Variants in ZNF804A observed in about 807,000 individuals in gnomAD.
ZNF804A encodes zinc finger protein 804A.
Under a neutral mutation model 16.5 loss-of-function variants are expected in ZNF804A, and 2 were observed. That is an observed-to-expected ratio of 0.12 (90% confidence interval 0.05 to 0.38). The LOEUF is 0.38. Ranked by LOEUF, ZNF804A falls within the 10% of genes least tolerant of loss-of-function variation. ZNF804A has a pLI of 0.99. For missense variants in ZNF804A, 1,473 were observed against 1,390.7 expected (o/e 1.06, Z -0.94); for synonymous variants, 534 against 489.6 (o/e 1.09, Z -1.20).
chr2:184,822,396 CTG>C, intron 1 of ZNF804A, among the ~76,000 whole-genome samples: 1 of 152,158 alleles, frequency 6.6e-6, no homozygotes, highest in South Asian at 2.1e-4. Context: ...ACGACACACA[CTG>C]GGGCCTGGCA....
chr2:184,871,677 C>A (rs1203290624), intron 2 of ZNF804A, among the ~76,000 whole-genome samples: 2 of 151,704 alleles, frequency 1.3e-5, no homozygotes, highest in East Asian at 1.9e-4. Context: ...TTTAGAAGGA[C>A]AGTGATGAGT....
intron 1 of ZNF804A, among the ~76,000 whole-genome samples, chr2:184,653,902 T>G (rs1480724804): frequency 1.3e-5 from 2 of 152,206 alleles, no homozygotes; most frequent in Non-Finnish European, 2.9e-5. Flanking sequence ...AAATTGCGTC[T>G]CCCTGGTGCT....
Position 184,798,260 on chromosome 2 carries a change from C to CT in ZNF804A, c.112-68101dup, listed in dbSNP as rs574439355. ...ATGAATCTCCCAGGTGTTCTTTGTG[C>CT]TTTTTTTTATTTTGATATCTAGGTC... On this transcript the variant is annotated intron_variant, in intron 1 of 3. Transcript: ENST00000302277. Among the ~76,000 whole-genome samples the CT allele has an allele frequency of 5.9e-5, 9 of 151,382 alleles. No homozygotes were observed. In the South Asian group the frequency reaches 6.3e-4, roughly 11 times the overall value.
chr2:184,781,616 C>CA (rs1347500728), intron 1 of ZNF804A, among the ~76,000 whole-genome samples: 1 of 151,690 alleles, frequency 6.6e-6, no homozygotes, highest in Non-Finnish European at 1.5e-5. Context: ...TGCTTGGAGT[C>CA]AAAAGTGCTG....
chr2:184,936,834 T>A lies in ZNF804A; in HGVS notation c.1438T>A (p.Leu480Ile). 1.2e-6 allele frequency: 2 copies of A among 1,612,678 alleles called. No individual in the cohort carries two copies. Among genetic ancestry groups the A allele is most frequent in the Non-Finnish European group, 1.7e-6 (2 of 1,179,562 alleles). ...TAATCTAGATAAAAATAAGCCAGAC[T>A]TAAAAGATCTTTGTTCTCAGCAGAA... is the stretch of plus-strand genomic sequence containing the variant. ...NNNLDKNKPD[L>I]KDLCSQQKQE... The change falls in exon 4 of 4, where the codon TTA becomes ATA. Residue 480 changes from leucine to isoleucine, a missense_variant. Transcript: ENST00000302277.
intron 1 of ZNF804A, among the ~76,000 whole-genome samples, chr2:184,739,497 G>A (rs1024421468): frequency 6.6e-6 from 1 of 152,124 alleles, no homozygotes; most frequent in African/African-American, 2.4e-5. Flanking sequence ...GGGTTCAAGC[G>A]ATTGTTGTGC....
chr2:184,773,889 T>C (rs1227700158), intron 1 of ZNF804A, among the ~76,000 whole-genome samples: 2 of 151,942 alleles, frequency 1.3e-5, no homozygotes, highest in Admixed American at 1.3e-4. Flanking sequence ...AAACACCATA[T>C]TGAAGTTTAG....
chr2:184,800,449 T>A (rs1270581135), intron 1 of ZNF804A, among the ~76,000 whole-genome samples: 2 of 151,742 alleles, frequency 1.3e-5, no homozygotes, highest in Non-Finnish European at 2.9e-5. Context: ...CTCAAAGAAC[T>A]GCTTTAGTCA....
chr2:184,937,568 T>C lies in ZNF804A; in HGVS notation c.2172T>C (p.Cys724=). 1.2e-6 allele frequency: 2 copies of C among 1,612,134 alleles called. No homozygotes were observed. Among genetic ancestry groups the C allele is most frequent in the South Asian group, 1.1e-5 (1 of 90,884 alleles). The change falls in exon 4 of 4, where the codon TGT becomes TGC. Residue 724 remains cysteine, a synonymous_variant. Transcript: ENST00000302277. ...TAACATATTCTAGAACTTACTGTTGTTGGAAAACCAAAATGTCAAGCTGTA... is the reference window on the plus strand; with the variant it reads ...TAACATATTCTAGAACTTACTGTTGCTGGAAAACCAAAATGTCAAGCTGTA... ...HNLTYSRTYC[C]WKTKMSSCSQ... is the part of the protein sequence containing the mutation.
intron 1 of ZNF804A, among the ~76,000 whole-genome samples, chr2:184,776,599 T>A (rs1207625125): frequency 6.6e-6 from 1 of 151,532 alleles, no homozygotes; most frequent in Admixed American, 6.6e-5. Flanking sequence ...TGAGACACCT[T>A]CCATTGTCAT....
At chr2:184,845,699 G>T (rs552337172) in intron 1 of ZNF804A, among the ~76,000 whole-genome samples, 1 of 152,102 alleles carries the variant, frequency 6.6e-6, no homozygotes, top group Non-Finnish European at 1.5e-5. Flanking sequence ...ACATGCCAAG[G>T]ACATGAGAGA....
intron 1 of ZNF804A, among the ~76,000 whole-genome samples, chr2:184,855,162 T>C (rs1238516221): frequency 1.3e-5 from 2 of 152,004 alleles, no homozygotes; most frequent in Non-Finnish European, 2.9e-5. Flanking sequence ...CTATAGAAAT[T>C]AAGGATGCCA....
rs1345255652 is a variant in ZNF804A, at chr2:184,936,372, C to A, written c.976C>A (p.Gln326Lys). The A allele has an allele frequency of 2.5e-6, 4 of 1,613,770 alleles. No homozygotes were observed. In the South Asian group the frequency reaches 3.3e-5, roughly 13 times the overall value. The change falls in exon 4 of 4, where the codon CAA becomes AAA. Residue 326 changes from glutamine to lysine, a missense_variant. Physicochemically the swap from Gln to Lys is moderately conservative, Grantham distance 53. Coordinates refer to ENST00000302277, the MANE Select transcript of ZNF804A (RefSeq NM_194250.2). The stretch of plus-strand genomic sequence containing the variant: ...GTTATCTTCTGATGCAGATAATTGT[C>A]AAAATTCAGTCCCATTAGCAGATCA... The part of the protein sequence containing the change: ...LQLSSDADNC[Q>K]NSVPLADQIP...
intron 1 of ZNF804A, among the ~76,000 whole-genome samples, chr2:184,828,861 T>C (rs1380823816): frequency 6.6e-6 from 1 of 151,894 alleles, no homozygotes; most frequent in Non-Finnish European, 1.5e-5. Context: ...GATAGGTCAC[T>C]AAAACTATTC....
intron 1 of ZNF804A, among the ~76,000 whole-genome samples, chr2:184,609,004 T>C (rs1691195296): frequency 6.6e-6 from 1 of 152,144 alleles, no homozygotes; most frequent in Non-Finnish European, 1.5e-5. Context: ...CAGAATTTTT[T>C]TGATAATAGA....
At chr2:184,816,790 C>T (rs183241883) in intron 1 of ZNF804A, among the ~76,000 whole-genome samples, 161 of 151,988 alleles carry the variant, frequency 1.1e-3, no homozygotes, top group Non-Finnish European at 2.0e-3. Context: ...TTACCTCTCT[C>T]TCACTCCTCT....
intron 1 of ZNF804A, among the ~76,000 whole-genome samples, chr2:184,803,183 C>T (rs1271017123): frequency 1.3e-5 from 2 of 152,116 alleles, no homozygotes; most frequent in Non-Finnish European, 2.9e-5. Context: ...GGTACTTCTC[C>T]TTCAGCCTTT....
chr2:184,744,364 C>T (rs1281853966), intron 1 of ZNF804A, among the ~76,000 whole-genome samples: 3 of 151,780 alleles, frequency 2.0e-5, no homozygotes, highest in Non-Finnish European at 4.4e-5. Flanking sequence ...TATGTTGAAA[C>T]CCTAACCCCT....
intron 1 of ZNF804A, among the ~76,000 whole-genome samples, chr2:184,647,360 A>G (rs1215957869): frequency 6.6e-6 from 1 of 152,226 alleles, no homozygotes; most frequent in East Asian, 1.9e-4. Flanking sequence ...GACGCCAACA[A>G]AGGATCACAT....
Sources: gnomAD v4.1 joint callset for allele counts (sites outside exome capture counted in the v4.1 genomes callset) on GRCh38, gnomAD v4.1.1 for gene constraint, MANE v1.5 for transcripts, NCBI Gene and HGNC (gene_info 2026-07-23, HGNC 2026-07-21) for gene names.